KIF22: variants seen among roughly 807,000 people sequenced by gnomAD.
KIF22 encodes kinesin family member 22.
In KIF22, 62 loss-of-function variants were observed where a neutral mutation model predicts 73.0. The observed-to-expected ratio is 0.85, with a 90% CI of 0.69 to 1.05. The LOEUF (loss-of-function observed/expected upper bound fraction) is 1.05. KIF22 is among the 50% of genes least tolerant of loss of function. The pLI, the probability that KIF22 is intolerant of heterozygous loss-of-function variation, is 0.00. For missense variants in KIF22, 854 were observed against 870.1 expected (o/e 0.98, Z 0.23); for synonymous variants, 411 against 340.1 (o/e 1.21, Z -2.29).
At position 29,802,764 on chromosome 16, in the gene KIF22, C is replaced by T. The variant is rs757028180; in HGVS notation, c.1281-5C>T. The stretch of plus-strand genomic sequence containing the variant: ...AGGTGGGGAGCAACTTCTTTTTCTG[C>T]TCAGCCCCCTACAGAAGCTAAGCAG... On this transcript the variant is annotated splice_region_variant and splice_polypyrimidine_tract_variant and intron_variant, in intron 8 of 13. Transcript: ENST00000160827. 3 of 1,554,944 alleles carry T rather than the reference C, an allele frequency of 1.9e-6. No individual in the cohort carries two copies. Among genetic ancestry groups the T allele is most frequent in the Non-Finnish European group, 2.6e-6 (3 of 1,155,714 alleles).
intron 13 of KIF22, 38 bp from the exon 14 acceptor site, chr16:29,805,223 CCT>C (rs755781200): frequency 2.1e-5 from 34 of 1,614,112 alleles, no homozygotes; most frequent in African/African-American, 2.7e-5. Context: ...GCCCCGCGCC[CCT>C]CTCTAACGTC....
In KIF22 at chr16:29,804,969, C is replaced by T; in HGVS notation, c.1833C>T (p.Gly611=). 1.9e-6 allele frequency: 3 copies of T among 1,611,998 alleles called. No homozygotes were observed. Among genetic ancestry groups the T allele is most frequent in the Non-Finnish European group, 2.5e-6 (3 of 1,179,212 alleles). ...ARDLRSLQRI[G]PKKAQLIVGW... is the part of the protein sequence containing the mutation. The stretch of plus-strand genomic sequence containing the variant: ...ATCTCCGCAGTCTTCAGCGCATTGG[C>T]CCGAAGAAGGCCCAGCTAATCGTGG... Residue 611 remains glycine (G), a synonymous_variant, in exon 12 of 14, where the codon GGC becomes GGT. Transcript: ENST00000160827.
At chr16:29,799,888 T>TC in intron 7 of KIF22, 25 bp from the exon 8 acceptor site, 2 of 1,613,346 alleles carry the variant, frequency 1.2e-6, no homozygotes, top group Non-Finnish European at 1.7e-6. Flanking sequence ...AATCCCTCTC[T>TC]CCACCCCATC....
In KIF22 at chr16:29,804,935, C is replaced by T; in HGVS notation, c.1799C>T (p.Ser600Leu). The change falls in exon 12 of 14, where the codon TCA becomes TTA. Residue 600 changes from serine to leucine, a missense_variant. Physicochemically the swap from Ser to Leu is moderately radical, Grantham distance 145. Transcript: ENST00000160827. ...ATACTGGATCTGCTGAACGAAGGCTCAGCCCGAGATCTCCGCAGTCTTCAG... is the reference window on the plus strand; with the variant it reads ...ATACTGGATCTGCTGAACGAAGGCTTAGCCCGAGATCTCCGCAGTCTTCAG... ...QKILDLLNEG[S>L]ARDLRSLQRI... 1.2e-6 allele frequency: 2 copies of T among 1,611,996 alleles called. No homozygotes were observed. Among genetic ancestry groups the T allele is most frequent in the South Asian group, 1.1e-5 (1 of 90,960 alleles).
intron 1 of KIF22, among the ~76,000 whole-genome samples, chr16:29,791,762 G>T (rs1376540639): frequency 6.6e-6 from 1 of 152,186 alleles, no homozygotes; most frequent in African/African-American, 2.4e-5. Context: ...AAATATTGGG[G>T]CTTGAATTCG....
intron 8 of KIF22, among the ~76,000 whole-genome samples, chr16:29,800,779 G>A (rs991193337): frequency 2.7e-4 from 41 of 152,104 alleles, no homozygotes; most frequent in Non-Finnish European, 5.4e-4. Context: ...AAATAAATAA[G>A]TAAATAAATA....
intron 11 of KIF22, chr16:29,804,586 A>G (rs1899279980): frequency 1.4e-6 from 1 of 691,666 alleles, no homozygotes; most frequent in Non-Finnish European, 2.6e-6. Context: ...CAACTCCATG[A>G]GAAGGGTGCT....
At chr16:29,795,279 A>C (rs1898920831) in intron 1 of KIF22, among the ~76,000 whole-genome samples, 1 of 152,234 alleles carries the variant, frequency 6.6e-6, no homozygotes, top group African/African-American at 2.4e-5. Context: ...TAACGTGAGA[A>C]ATGGTATTAG....
At position 29,791,015 on chromosome 16, in the gene KIF22, C is replaced by T. The variant is rs186737470; in HGVS notation, c.70+186C>T. 4.1e-6 allele frequency: 6 copies of T among 1,450,790 alleles called. No individual in the cohort carries two copies. The East Asian group carries it at 1.5e-4, about 37-fold the overall frequency. The allele number at this position is 1,450,790 out of a possible 1,614,324, so 89.9% of individuals were successfully genotyped here. On this transcript the variant is annotated intron_variant, in intron 1 of 13. Transcript: ENST00000160827. The stretch of plus-strand genomic sequence containing the variant: ...TCGCCCCGCCTGGCTCCTGCCTTCT[C>T]CCTGTTTCCTGCTCTCCCCTTGGGT...
rs1898969963 is a variant in KIF22 at position 29,797,000 on chromosome 16, G to A, written c.178G>A (p.Ala60Thr). The A allele has an allele frequency of 1.9e-6, 3 of 1,614,088 alleles. No homozygotes were observed. The highest frequency in any genetic ancestry group is 2.5e-6 in the Non-Finnish European group (3 of 1,179,962). ...GCCATTTGTGGATGGAACAGCGGGAGCAAGTGATCCCCCCTGTGTGCGGGG... is the reference window on the plus strand; with the variant it reads ...GCCATTTGTGGATGGAACAGCGGGAACAAGTGATCCCCCCTGTGTGCGGGG... ...LRPFVDGTAG[A>T]SDPPCVRGMD... Residue 60 changes from alanine to threonine, a missense_variant, in exon 2 of 14, where the codon GCA becomes ACA. By Grantham distance (58) the Ala-to-Thr change is moderately conservative. Coordinates refer to ENST00000160827, the MANE Select transcript of KIF22 (RefSeq NM_007317.3).
Position 29,798,308 on chromosome 16 carries a change from C to T in KIF22, c.267-66C>T, listed in dbSNP as rs1899004089. The T allele has an allele frequency of 4.3e-6, 6 of 1,408,292 alleles. No homozygotes were observed. In the South Asian group the frequency reaches 4.8e-5, roughly 11 times the overall value. 87.2% of individuals were successfully genotyped at this position (1,408,292 alleles called of 1,614,324 possible). A position where few individuals can be genotyped will look rare whatever the true frequency, so the allele number is the denominator to read the frequency against. On this transcript the variant is annotated intron_variant, in intron 2 of 13. Coordinates refer to ENST00000160827, the MANE Select transcript of KIF22 (RefSeq NM_007317.3). The surrounding 1 kb of genome is among the most constrained non-coding windows in gnomAD (Gnocchi z 4.1). Reference sequence around the variant, plus strand: ...CCTTACCCACCCCCACCCCACTCCACCCCTTACACACACACACACACACAC... The same window carrying T: ...CCTTACCCACCCCCACCCCACTCCATCCCTTACACACACACACACACACAC...
intron 1 of KIF22, 35 bp downstream of exon 1, chr16:29,790,864 A>G: frequency 6.3e-7 from 1 of 1,577,450 alleles, no homozygotes; most frequent in Non-Finnish European, 8.6e-7. Flanking sequence ...GCGGGTACCG[A>G]CGTCTGGAGT....
chr16:29,798,260 A>G lies in KIF22; in HGVS notation c.267-114A>G. On this transcript the variant is annotated intron_variant, in intron 2 of 13. Transcript: ENST00000160827. The surrounding 1 kb of genome is among the most constrained non-coding windows in gnomAD (Gnocchi z 4.1). Reference sequence around the variant, plus strand: ...GGGATAGAGACGTTCTCTTAAATCCAAGGTCCAGATGAGAGTAGAATCCCT... The same window carrying G: ...GGGATAGAGACGTTCTCTTAAATCCGAGGTCCAGATGAGAGTAGAATCCCT... The G allele has an allele frequency of 3.3e-6, 5 of 1,503,174 alleles. No homozygotes were observed. The South Asian group carries it at 6.6e-5, about 20-fold the overall frequency. 93.1% of individuals were successfully genotyped at this position (1,503,174 alleles called of 1,614,324 possible). A position where few individuals can be genotyped will look rare whatever the true frequency, so the allele number is the denominator to read the frequency against.
At chr16:29,802,978 C>T (rs929915133) in intron 9 of KIF22, 41 bp downstream of exon 9, 9 of 1,587,760 alleles carry the variant, frequency 5.7e-6, no homozygotes, top group Non-Finnish European at 7.8e-6. Flanking sequence ...TCCTATTGGC[C>T]TTGAGAAGCA....
At chr16:29,802,272 A>T (rs1316566782) in intron 8 of KIF22, among the ~76,000 whole-genome samples, 1 of 149,408 alleles carries the variant, frequency 6.7e-6, no homozygotes, top group East Asian at 1.9e-4. Context: ...TGTCTCAAAA[A>T]AAAAAAAAAA....
chr16:29,803,442 C>T lies in KIF22; in HGVS notation c.1450-7C>T. ...CTGGATCACATCTCCCTGATCCTTT[C>T]CAACAGAGGCTTAAGACGAAGCAAA... On this transcript the variant is annotated splice_polypyrimidine_tract_variant and splice_region_variant and intron_variant, in intron 9 of 13. Coordinates refer to ENST00000160827, the MANE Select transcript of KIF22 (RefSeq NM_007317.3). 1.2e-6 allele frequency: 2 copies of T among 1,613,834 alleles called. No homozygotes were observed. Among genetic ancestry groups the T allele is most frequent in the African/African-American group, 1.3e-5 (1 of 75,002 alleles).
rs558298646 is a variant in KIF22 at position 29,799,306 on chromosome 16, G to A, written c.802G>A (p.Gly268Arg). Reference sequence around the variant, plus strand: ...TTTGGCCCCATTTCGCCAGCGAGAGGGAAAACTCTACCTGATTGACTTGGC... The same window carrying A: ...TTTGGCCCCATTTCGCCAGCGAGAGAGAAAACTCTACCTGATTGACTTGGC... Reference protein sequence around the residue: ...ERLAPFRQREGKLYLIDLAGS... With the variant: ...ERLAPFRQRERKLYLIDLAGS... The change falls in exon 6 of 14, where the codon GGA becomes AGA. Residue 268 changes from glycine (G) to arginine (R), a missense_variant. This residue lies in a region of KIF22 where 245 missense variants were observed against 351.8 expected (regional missense o/e 0.70). Transcript: ENST00000160827. 8 of 1,614,048 alleles carry A rather than the reference G, an allele frequency of 5.0e-6. No homozygotes were observed. Among genetic ancestry groups the A allele is most frequent in the South Asian group, 1.1e-5 (1 of 91,072 alleles).
rs139520712 is a variant in KIF22, at chr16:29,801,866, T to C, written c.1281-903T>C. ...TCACAGCATAGGAAGGGAGATGCAT[T>C]GTTAAGCTTGGCGTCATGGGAAAGG... On this transcript the variant is annotated intron_variant, in intron 8 of 13. Coordinates refer to ENST00000160827, the MANE Select transcript of KIF22 (RefSeq NM_007317.3). 3.2e-3 allele frequency among the ~76,000 whole-genome samples: 481 copies of C among 152,236 alleles called. 2 individuals carry two copies. The highest frequency in any genetic ancestry group is 0.01 in the African/African-American group (423 of 41,522).
intron 1 of KIF22, among the ~76,000 whole-genome samples, chr16:29,795,283 G>A (rs1046968746): frequency 2.0e-5 from 3 of 152,206 alleles, no homozygotes; most frequent in African/African-American, 7.2e-5. Flanking sequence ...GTGAGAAATG[G>A]TATTAGTAGC....
Sources: gnomAD v4.1 joint callset for allele counts (sites outside exome capture counted in the v4.1 genomes callset) on GRCh38, gnomAD v4.1.1 for gene constraint, gnomAD v4.1.1 regional missense constraint, Gnocchi (gnomAD v3.1) non-coding constraint, MANE v1.5 for transcripts, NCBI Gene and HGNC (gene_info 2026-07-23, HGNC 2026-07-21) for gene names.